ZCCHC14: variants seen among roughly 807,000 people sequenced by gnomAD.
The protein encoded by ZCCHC14 is zinc finger CCHC-type containing 14.
Under a neutral mutation model 85.0 loss-of-function variants are expected in ZCCHC14, and 16 were observed. The observed-to-expected ratio is 0.19, with a 90% confidence interval of 0.13 to 0.29. The LOEUF (loss-of-function observed/expected upper bound fraction) is 0.29. Among genes scored for constraint, ZCCHC14 ranks in the 10% least tolerant of loss-of-function variants. The pLI is 1.00. For missense variants in ZCCHC14, 1,303 were observed against 1,443.5 expected, an observed-to-expected ratio of 0.90 and a Z score of 1.58; for synonymous variants, 775 against 630.7, an observed-to-expected ratio of 1.23 and a Z score of -3.43.
At chr16:87,463,864 G>T (rs143640242) in intron 1 of ZCCHC14, among the ~76,000 whole-genome samples, 3,038 of 152,250 alleles carry the variant, frequency 0.02, 64 homozygotes, top group Non-Finnish European at 0.029. Flanking sequence ...CTGTCACTCA[G>T]GCTGGAATGC....
At chr16:87,422,915 T>G (rs1255763690) in intron 4 of ZCCHC14, among the ~76,000 whole-genome samples, 25 of 145,442 alleles carry the variant, frequency 1.7e-4, no homozygotes, top group Admixed American at 4.2e-4. Flanking sequence ...CGGGGGGGGG[T>G]GTGTGTTACC....
At chr16:87,438,572 A>C (rs1259209073) in intron 2 of ZCCHC14, among the ~76,000 whole-genome samples, 1 of 152,250 alleles carries the variant, frequency 6.6e-6, no homozygotes, top group Non-Finnish European at 1.5e-5. Context: ...CTGCTTCCTC[A>C]TTTGTTTAAT....
intron 2 of ZCCHC14, among the ~76,000 whole-genome samples, chr16:87,440,694 C>A (rs1297316055): frequency 6.6e-6 from 1 of 150,958 alleles, no homozygotes. Context: ...GCAGCCTCGA[C>A]CTCCTGGGTC....
At chr16:87,487,862 C>T (rs551591588) in intron 1 of ZCCHC14, among the ~76,000 whole-genome samples, 11 of 152,030 alleles carry the variant, frequency 7.2e-5, no homozygotes, top group Non-Finnish European at 1.3e-4. Flanking sequence ...CATCACGACA[C>T]CGAGTGAAGG....
At chr16:87,475,577 G>C (rs1417740220) in intron 1 of ZCCHC14, among the ~76,000 whole-genome samples, 1 of 135,656 alleles carries the variant, frequency 7.4e-6, no homozygotes, top group Non-Finnish European at 1.6e-5. Flanking sequence ...AAAAAAAAAG[G>C]AAATTCCAGA....
In ZCCHC14 at chr16:87,491,163, G is replaced by A. The variant is rs530780800; in HGVS notation, c.570+506C>T. 1.1e-4 allele frequency among the ~76,000 whole-genome samples: 17 copies of A among 152,250 alleles called. No individual in the cohort carries two copies. The highest frequency in any genetic ancestry group is 1.8e-4 in the Non-Finnish European group (12 of 68,040). On this transcript the variant is annotated intron_variant, in intron 1 of 12. Transcript: ENST00000671377. This position sits in a 1 kb window ranked among gnomAD's most constrained non-coding sequence, Gnocchi z 5.9. ...TTTGCAGCCGGCTAAGTGAAAGGAG[G>A]GCACCTGGGACTGTGAGCTCTGACC...
At chr16:87,459,960 C>T in intron 2 of ZCCHC14, 48 bp downstream of exon 2, 1 of 1,612,760 alleles carries the variant, frequency 6.2e-7, no homozygotes, top group South Asian at 1.1e-5. Flanking sequence ...GGGGTGTGCC[C>T]ATCCTCCGTC....
chr16:87,472,991 T>A (rs1433695751), intron 1 of ZCCHC14: 1 of 152,104 alleles, frequency 6.6e-6, no homozygotes, highest in Non-Finnish European at 1.5e-5. Flanking sequence ...GTGAGTGGGA[T>A]TACAGGCATG....
chr16:87,412,829 G>A lies in ZCCHC14; in HGVS notation c.1892C>T (p.Pro631Leu). ...SSNPSGHHPL[P>L]PQMLSAASHI... ...TGAGGCTGCGCTCAGCATCTGCGGG[G>A]GCAGGGGGTGGTGGCCTGATGGATT... The change falls in exon 12 of 13, where the codon CCC becomes CTC. Residue 631 changes from proline (P) to leucine (L), a missense_variant. Around this residue, in one of 7 missense-constraint regions of ZCCHC14, gnomAD observed 797 missense variants for 730.8 expected, o/e 1.09. Coordinates refer to ENST00000671377, the MANE Select transcript of ZCCHC14 (RefSeq NM_015144.3). 6.2e-7 allele frequency: 1 copy of A among 1,610,102 alleles called. No homozygotes were observed. The highest frequency in any genetic ancestry group is 8.5e-7 in the Non-Finnish European group (1 of 1,177,652).
At chr16:87,485,780 G>T (rs1173291944) in intron 1 of ZCCHC14, among the ~76,000 whole-genome samples, 1 of 152,276 alleles carries the variant, frequency 6.6e-6, no homozygotes, top group East Asian at 1.9e-4. Context: ...GGACTCTGAA[G>T]TTTTAAGACT....
Position 87,411,907 on chromosome 16 carries a change from G to A in ZCCHC14, c.2814C>T (p.Gly938=). 6.3e-7 allele frequency: 1 copy of A among 1,590,472 alleles called. No homozygotes were observed. The highest frequency in any genetic ancestry group is 8.5e-7 in the Non-Finnish European group (1 of 1,170,442). ...AGTAGTTGGCGTAGCTGACAGTCAG[G>A]CCACTCGAGCCGCAGCTGCCGCTGC... ...CGCSGSCGSS[G]LTVSYANYFQ... The change falls in exon 12 of 13, where the codon GGC becomes GGT. Residue 938 remains glycine (G), a synonymous_variant. Coordinates refer to ENST00000671377, the MANE Select transcript of ZCCHC14 (RefSeq NM_015144.3).
At chr16:87,416,122 C>T (rs567009313) in intron 8 of ZCCHC14, among the ~76,000 whole-genome samples, 163 of 152,128 alleles carry the variant, frequency 1.1e-3, no homozygotes, top group African/African-American at 3.7e-3. Context: ...GACGGGGTTT[C>T]ACCATCTTGG....
chr16:87,411,902 G>A lies in ZCCHC14; in HGVS notation c.2819C>T (p.Thr940Ile). The A allele has an allele frequency of 2.5e-6, 4 of 1,594,190 alleles. No individual in the cohort carries two copies. Among genetic ancestry groups the A allele is most frequent in the Non-Finnish European group, 3.4e-6 (4 of 1,171,898 alleles). The change falls in exon 12 of 13, where the codon ACT becomes ATT. Residue 940 changes from threonine (T) to isoleucine (I), a missense_variant. Thr to Ile is a moderately conservative substitution (Grantham distance 89, BLOSUM62 -1). Transcript: ENST00000671377. ...CTGGAAGTAGTTGGCGTAGCTGACA[G>A]TCAGGCCACTCGAGCCGCAGCTGCC... The part of the protein sequence containing the change: ...CSGSCGSSGL[T>I]VSYANYFQHP...
intron 2 of ZCCHC14, among the ~76,000 whole-genome samples, chr16:87,447,302 G>C (rs150795700): frequency 0.012 from 1,892 of 152,146 alleles, 12 homozygotes; most frequent in South Asian, 0.025. Context: ...AGGGGGTCAG[G>C]TGTTTTTTTT....
rs115334667 is a variant in ZCCHC14 at position 87,427,912 on chromosome 16, C to A, written c.769-4031G>T. On this transcript the variant is annotated intron_variant, in intron 3 of 12. Coordinates refer to ENST00000671377, the MANE Select transcript of ZCCHC14 (RefSeq NM_015144.3). ...CTCCCACAGTGCTGGGATTTACAGG[C>A]ATGAGCCACTGCACCTGGCCTCTAT... Among the ~76,000 whole-genome samples, 775 of 151,072 alleles carry A rather than the reference C, an allele frequency of 5.1e-3. 3 individuals are homozygous for A. Among genetic ancestry groups the A allele is most frequent in the African/African-American group, 0.017 (710 of 41,158 alleles).
intron 2 of ZCCHC14, among the ~76,000 whole-genome samples, chr16:87,455,956 T>G (rs1414295581): frequency 6.6e-6 from 1 of 152,192 alleles, no homozygotes; most frequent in African/African-American, 2.4e-5. Context: ...GTGTAGCAGG[T>G]GTGGTGTATT....
intron 2 of ZCCHC14, among the ~76,000 whole-genome samples, chr16:87,456,030 T>C (rs990898097): frequency 9.2e-5 from 14 of 152,244 alleles, no homozygotes; most frequent in African/African-American, 3.1e-4. Context: ...AAAGCATCTA[T>C]GCGGTAAAAT....
chr16:87,456,482 G>A (rs956646613), intron 2 of ZCCHC14, among the ~76,000 whole-genome samples: 4 of 130,350 alleles, frequency 3.1e-5, no homozygotes, highest in African/African-American at 1.1e-4. Flanking sequence ...GCAGTGAGCT[G>A]TGATTGCGCC....
chr16:87,438,582 T>C (rs1047497484), intron 2 of ZCCHC14, among the ~76,000 whole-genome samples: 2 of 152,234 alleles, frequency 1.3e-5, no homozygotes, highest in South Asian at 2.1e-4. Flanking sequence ...ATTTGTTTAA[T>C]GGGGATAGTA....
Sources: gnomAD v4.1 joint callset for allele counts (sites outside exome capture counted in the v4.1 genomes callset) on GRCh38, gnomAD v4.1.1 for gene constraint, gnomAD v4.1.1 regional missense constraint, Gnocchi (gnomAD v3.1) non-coding constraint, MANE v1.5 for transcripts, NCBI Gene and HGNC (gene_info 2026-07-23, HGNC 2026-07-21) for gene names.